Variants in PTPN3 observed in about 807,000 individuals in gnomAD.
PTPN3 encodes the protein protein tyrosine phosphatase non-receptor type 3.
A neutral mutation model predicts 132.7 loss-of-function variants in PTPN3; 96 were observed. The observed-to-expected ratio is 0.72, with a 90% CI of 0.61 to 0.86. PTPN3 has a LOEUF of 0.86. Among genes scored for constraint, PTPN3 ranks in the 40% least tolerant of loss-of-function variants. The pLI, the probability that PTPN3 is intolerant of heterozygous loss-of-function variation, is 0.00. For missense variants in PTPN3, 1,125 were observed against 1,159.6 expected (o/e 0.97, Z 0.43); for synonymous variants, 398 against 429.0 (o/e 0.93, Z 0.89).
At chr9:109,380,331 C>T (rs536088429) in intron 25 of PTPN3, among the ~76,000 whole-genome samples, 5 of 152,264 alleles carry the variant, frequency 3.3e-5, no homozygotes, top group South Asian at 2.1e-4. Flanking sequence ...TCTTGGCTCA[C>T]TGCAACCTCC....
intron 1 of PTPN3, among the ~76,000 whole-genome samples, chr9:109,472,803 A>T (rs1846446436): frequency 6.6e-6 from 1 of 152,250 alleles, no homozygotes; most frequent in Non-Finnish European, 1.5e-5. Context: ...TTAGGTTTTA[A>T]TGTAAACATA....
At chr9:109,480,715 T>C (rs1846915987) in intron 1 of PTPN3, among the ~76,000 whole-genome samples, 1 of 152,204 alleles carries the variant, frequency 6.6e-6, no homozygotes, top group Non-Finnish European at 1.5e-5. Flanking sequence ...GTATATGGTA[T>C]GATGTGTTAG....
intron 21 of PTPN3, 43 bp from the exon 22 acceptor site, chr9:109,389,422 A>G (rs1327296938): frequency 6.4e-7 from 1 of 1,568,784 alleles, no homozygotes; most frequent in Admixed American, 1.8e-5. Context: ...TTGCTGCCCC[A>G]GGGTGCACAG....
intron 23 of PTPN3, 172 bp downstream of exon 23, chr9:109,383,251 A>T: frequency 1.8e-6 from 2 of 1,139,502 alleles, no homozygotes; most frequent in Non-Finnish European, 2.6e-6. Flanking sequence ...TGTTGTGACT[A>T]GGGCCACTGT....
chr9:109,456,996 T>C (rs1845600243), intron 4 of PTPN3, 177 bp downstream of exon 4: 1 of 653,690 alleles, frequency 1.5e-6, no homozygotes, highest in African/African-American at 1.8e-5. Context: ...AGAGGGCTGA[T>C]CTGGAAGCAT....
At chr9:109,425,541 T>C (rs1419725527) in intron 12 of PTPN3, among the ~76,000 whole-genome samples, 4 of 150,658 alleles carry the variant, frequency 2.7e-5, no homozygotes, top group African/African-American at 9.8e-5. Context: ...TGAAACCCTG[T>C]CTCTACTAAA....
the PTPN3 span, among the ~76,000 whole-genome samples, chr9:109,536,927 C>T: frequency 1.3e-5 from 2 of 152,014 alleles, no homozygotes; most frequent in Non-Finnish European, 2.9e-5. Flanking sequence ...ATTCCCTGCC[C>T]CTCCCTTCCC....
chr9:109,397,148 C>T (rs1180628595), intron 19 of PTPN3, among the ~76,000 whole-genome samples: 1 of 152,228 alleles, frequency 6.6e-6, no homozygotes, highest in East Asian at 1.9e-4. Context: ...GATTGCCTTT[C>T]ATGCCCTCCA....
intron 5 of PTPN3, chr9:109,449,703 G>A (rs1845123310): frequency 1.0e-6 from 1 of 985,322 alleles, no homozygotes; most frequent in Non-Finnish European, 1.2e-6. Flanking sequence ...AAACGGGATA[G>A]ACATTCCATT....
At position 109,470,971 on chromosome 9, in the gene PTPN3, C is replaced by T. The variant is rs140703564; in HGVS notation, c.-17-7520G>A. 8.4e-4 allele frequency among the ~76,000 whole-genome samples: 128 copies of T among 152,150 alleles called. 3 individuals carry two copies. The East Asian group carries it at 0.022, about 26-fold the overall frequency. On this transcript the variant is annotated intron_variant, in intron 1 of 25. Coordinates refer to ENST00000374541, the MANE Select transcript of PTPN3 (RefSeq NM_002829.4). ...GCATTGTAAAACAAAAAATAATTTTCTGGACTTATAGAAAAGTTGCAAGAA... is the reference window on the plus strand; with the variant it reads ...GCATTGTAAAACAAAAAATAATTTTTTGGACTTATAGAAAAGTTGCAAGAA...
At chr9:109,525,993 T>G in the PTPN3 span, among the ~76,000 whole-genome samples, 20 of 152,212 alleles carry the variant, frequency 1.3e-4, no homozygotes, top group Admixed American at 2.0e-4. Context: ...TATAAAGTAT[T>G]TGATAAGTAA....
chr9:109,483,810 C>G (rs925535868), intron 1 of PTPN3, among the ~76,000 whole-genome samples: 4 of 152,114 alleles, frequency 2.6e-5, no homozygotes, highest in Non-Finnish European at 5.9e-5. Context: ...GCTGGGTATA[C>G]GTTAAGCTGT....
intron 4 of PTPN3, among the ~76,000 whole-genome samples, chr9:109,455,427 A>T (rs1337857946): frequency 6.6e-6 from 1 of 152,110 alleles, no homozygotes; most frequent in African/African-American, 2.4e-5. Flanking sequence ...TCTGCAACTC[A>T]AGTCCTTCTC....
Position 109,393,384 on chromosome 9 carries a change from C to CTT in PTPN3, c.1954-1825_1954-1824dup, listed in dbSNP as rs929613549. On this transcript the variant is annotated intron_variant, in intron 19 of 25. Transcript: ENST00000374541. Reference sequence around the variant, plus strand: ...TAATATTTTTAATGGTTTTTTTTGTCTTTTTTTTTTTTTTTTTTTGAGATG... The same window carrying CTT: ...TAATATTTTTAATGGTTTTTTTTGTCTTTTTTTTTTTTTTTTTTTTTGAGATG... 2.4e-3 allele frequency among the ~76,000 whole-genome samples: 287 copies of CTT among 119,876 alleles called. 8 individuals carry two copies. Among genetic ancestry groups the CTT allele is most frequent in the African/African-American group, 7.4e-3 (233 of 31,700 alleles). 78.6% of individuals were successfully genotyped at this position (119,876 alleles called of 152,430 possible).
chr9:109,381,761 A>C lies in PTPN3; in HGVS notation c.2555T>G (p.Leu852Trp). 6.2e-7 allele frequency: 1 copy of C among 1,614,250 alleles called. No homozygotes were observed. Among genetic ancestry groups the C allele is most frequent in the Non-Finnish European group, 8.5e-7 (1 of 1,180,036 alleles). ...GCACATGGCTGTTTCCATAGTGACC[A>C]ACACACCGGTTCGACCTATTCCAGC... ...CSAGIGRTGV[L>W]VTMETAMCLT... The change falls in exon 25 of 26, where the codon TTG becomes TGG. Residue 852 changes from leucine (L) to tryptophan (W), a missense_variant. By Grantham distance (61) the Leu-to-Trp change is moderately conservative. Transcript: ENST00000374541.
At chr9:109,414,993 CG>C (rs1214814151) in intron 14 of PTPN3, among the ~76,000 whole-genome samples, 2 of 151,598 alleles carry the variant, frequency 1.3e-5, no homozygotes, top group Non-Finnish European at 2.9e-5. Context: ...GTTTGTATCT[CG>C]GGGCCCCATC....
At chr9:109,466,513 G>A (rs986422546) in intron 1 of PTPN3, among the ~76,000 whole-genome samples, 1 of 152,194 alleles carries the variant, frequency 6.6e-6, no homozygotes, top group African/African-American at 2.4e-5. Flanking sequence ...AAGGAATGCA[G>A]AGGGGAGGGG....
At chr9:109,453,845 TAAAA>T (rs11353536) in intron 5 of PTPN3, among the ~76,000 whole-genome samples, 22 of 135,660 alleles carry the variant, frequency 1.6e-4, no homozygotes, top group South Asian at 2.5e-4. Flanking sequence ...CCATCTCCGT[TAAAA>T]AAAAAAAAAA....
intron 5 of PTPN3, chr9:109,450,809 G>A (rs1845194504): frequency 1.0e-6 from 1 of 985,306 alleles, no homozygotes; most frequent in African/African-American, 1.7e-5. Flanking sequence ...TCTCTTGTGG[G>A]TACCCCACCT....
Sources: allele counts gnomAD v4.1 joint callset (sites outside exome capture counted in the v4.1 genomes callset), GRCh38; gene constraint gnomAD v4.1.1; transcripts MANE v1.5; gene names NCBI Gene and HGNC (gene_info 2026-07-23, HGNC 2026-07-21).